PRKG1: variants seen among roughly 807,000 people sequenced by gnomAD.
The protein encoded by PRKG1 is protein kinase cGMP-dependent 1, also known as cGMP-dependent protein kinase 1.
Under a neutral mutation model 88.1 loss-of-function variants are expected in PRKG1, and 35 were observed. That is an observed-to-expected ratio of 0.40 (90% CI 0.30 to 0.53). The LOEUF (loss-of-function observed/expected upper bound fraction) is 0.53, where lower values mean the gene tolerates loss of function less well. Ranked by LOEUF, PRKG1 falls within the 20% of genes least tolerant of loss-of-function variation. The pLI, the probability that PRKG1 is intolerant of heterozygous loss-of-function variation, is 0.59. For synonymous variants in PRKG1, 303 were observed against 292.5 expected, an observed-to-expected ratio of 1.04 and a Z score of -0.37; for missense variants, 540 against 839.8, an observed-to-expected ratio of 0.64 and a Z score of 4.41.
intron 1 of PRKG1, among the ~76,000 whole-genome samples, chr10:50,995,464 T>G (rs2879550): frequency 0.89 from 135,965 of 152,200 alleles, 60,887 homozygotes; most frequent in African/African-American, 0.95. Context: ...TTAAGAAATG[T>G]CCAGTAGGGA....
At chr10:51,536,828 A>G (rs1019760319) in intron 3 of PRKG1, among the ~76,000 whole-genome samples, 12 of 121,924 alleles carry the variant, frequency 9.8e-5, no homozygotes, top group African/African-American at 3.2e-4. Context: ...AGTCCCCAGA[A>G]TGTGATGTTC....
chr10:52,207,801 A>C (rs61277906), intron 9 of PRKG1, among the ~76,000 whole-genome samples: 1 of 151,950 alleles, frequency 6.6e-6, no homozygotes, highest in East Asian at 1.9e-4. Flanking sequence ...CATCAGCCCC[A>C]TGCAGGGTTC....
intron 3 of PRKG1, among the ~76,000 whole-genome samples, chr10:51,713,694 G>A (rs946804050): frequency 1.3e-5 from 2 of 152,132 alleles, no homozygotes; most frequent in African/African-American, 4.8e-5. Context: ...GTATTAAGAT[G>A]GATTGAACAT....
intron 1 of PRKG1, among the ~76,000 whole-genome samples, chr10:51,025,057 C>G (rs1458227170): frequency 6.6e-6 from 1 of 152,168 alleles, no homozygotes; most frequent in African/African-American, 2.4e-5. Flanking sequence ...TGGGTGCAGG[C>G]TAAAAACCCC....
intron 9 of PRKG1, among the ~76,000 whole-genome samples, chr10:52,241,428 G>T (rs1002833846): frequency 6.6e-6 from 1 of 152,098 alleles, no homozygotes; most frequent in Non-Finnish European, 1.5e-5. Context: ...TGCAGAAAAG[G>T]GGATATCTTG....
At chr10:51,817,275 C>T (rs1839610797) in intron 4 of PRKG1, among the ~76,000 whole-genome samples, 1 of 151,872 alleles carries the variant, frequency 6.6e-6, no homozygotes, top group African/African-American at 2.4e-5. Context: ...TATACATGTG[C>T]AATGGTGGTT....
At chr10:51,994,867 A>C (rs1844399014) in intron 5 of PRKG1, among the ~76,000 whole-genome samples, 1 of 152,202 alleles carries the variant, frequency 6.6e-6, no homozygotes, top group Non-Finnish European at 1.5e-5. Flanking sequence ...ACAAAGAAAG[A>C]TAATAAACTG....
At chr10:51,299,276 G>T (rs1454159969) in intron 2 of PRKG1, among the ~76,000 whole-genome samples, 1 of 151,944 alleles carries the variant, frequency 6.6e-6, no homozygotes, top group Non-Finnish European at 1.5e-5. Flanking sequence ...TACGATCTCG[G>T]CTCACTGCAA....
At chr10:51,873,890 A>T (rs955713070) in intron 4 of PRKG1, among the ~76,000 whole-genome samples, 2 of 151,996 alleles carry the variant, frequency 1.3e-5, no homozygotes. Context: ...TGACCAATTT[A>T]TGATCTTCAT....
intron 2 of PRKG1, among the ~76,000 whole-genome samples, chr10:51,172,172 T>C (rs1413820207): frequency 1.3e-5 from 2 of 152,086 alleles, no homozygotes; most frequent in African/African-American, 4.8e-5. Flanking sequence ...CACTTTCATA[T>C]AATAAAATTG....
chr10:52,244,685 T>C (rs1161980142), intron 9 of PRKG1, among the ~76,000 whole-genome samples: 1 of 143,896 alleles, frequency 6.9e-6, no homozygotes, highest in African/African-American at 2.5e-5. Flanking sequence ...TATTATATAT[T>C]AAATAATATA....
chr10:51,626,065 AATATTTAC>A (rs1839329728), intron 3 of PRKG1, among the ~76,000 whole-genome samples: 2 of 152,198 alleles, frequency 1.3e-5, no homozygotes, highest in African/African-American at 4.8e-5. Flanking sequence ...TTCTTGCCTT[AATATTTAC>A]AGGCATCTTA....
intron 3 of PRKG1, among the ~76,000 whole-genome samples, chr10:51,635,025 C>T (rs1225815916): frequency 6.6e-6 from 1 of 152,010 alleles, no homozygotes; most frequent in Non-Finnish European, 1.5e-5. Flanking sequence ...ATAATATGCA[C>T]ACCAAACCCC....
chr10:52,204,095 T>C (rs1455036261), intron 9 of PRKG1, among the ~76,000 whole-genome samples: 1 of 71,126 alleles, frequency 1.4e-5, no homozygotes, highest in Non-Finnish European at 3.6e-5. Context: ...ATTATTATTA[T>C]TATTATTATT....
chr10:51,070,877 A>C (rs1396433504), upstream of PRKG1, among the ~76,000 whole-genome samples: 4 of 152,182 alleles, frequency 2.6e-5, no homozygotes, highest in Admixed American at 1.3e-4. Flanking sequence ...ACAGGTTGTG[A>C]GTTGTTTCTG....
upstream of PRKG1, chr10:51,074,361 C>G (rs992562954): frequency 3.9e-5 from 45 of 1,153,334 alleles, no homozygotes; most frequent in Middle Eastern, 6.2e-4. Flanking sequence ...TTGCTCTCCC[C>G]GCTCTGAGCC....
intron 2 of PRKG1, among the ~76,000 whole-genome samples, chr10:51,183,063 AAC>A (rs1837389990): frequency 6.6e-6 from 1 of 152,250 alleles, no homozygotes; most frequent in Admixed American, 6.5e-5. Context: ...AAAGACTAAT[AAC>A]AGTTTTTCTG....
Position 51,697,656 on chromosome 10 carries a change from A to T in PRKG1, c.593-106929A>T, listed in dbSNP as rs1841333940. 6.9e-6 allele frequency: 11 copies of T among 1,597,830 alleles called. No individual in the cohort carries two copies. The East Asian group carries it at 2.5e-4, about 36-fold the overall frequency. ...TTTTTGCACCCATTCTCCATGCTAC[A>T]GAATAAAATTTGAGACTACAGCCAA... On this transcript the variant is annotated intron_variant, in intron 3 of 17. Transcript: ENST00000373980.
intron 3 of PRKG1, among the ~76,000 whole-genome samples, chr10:51,793,928 GT>G (rs996128962): frequency 6.6e-6 from 1 of 151,918 alleles, no homozygotes; most frequent in South Asian, 2.1e-4. Flanking sequence ...CATCCAGCTA[GT>G]TTTTTTGTAT....
Sources: allele counts gnomAD v4.1 joint callset (sites outside exome capture counted in the v4.1 genomes callset), GRCh38; gene constraint gnomAD v4.1.1; transcripts MANE v1.5; gene names NCBI Gene and HGNC (gene_info 2026-07-23, HGNC 2026-07-21).